The following ROBO2 variants were observed in gnomAD, a reference collection of about 807,000 sequenced individuals.
The protein encoded by ROBO2 is roundabout guidance receptor 2, also known as roundabout homolog 2.
Under a neutral mutation model 160.8 loss-of-function variants are expected in ROBO2, and 53 were observed. The observed-to-expected ratio is 0.33, with a 90% CI of 0.26 to 0.41. The LOEUF (loss-of-function observed/expected upper bound fraction) is 0.41. Among genes scored for constraint, ROBO2 ranks in the 10% least tolerant of loss-of-function variants. ROBO2 has a pLI of 1.00. For synonymous variants in ROBO2, 664 were observed against 611.7 expected (o/e 1.09, Z -1.26); for missense variants, 1,577 against 1,722.4 (o/e 0.92, Z 1.49).
intron 2 of ROBO2, among the ~76,000 whole-genome samples, chr3:77,031,525 A>G (rs1022465756): frequency 2.0e-5 from 3 of 146,468 alleles, no homozygotes; most frequent in African/African-American, 4.9e-5. Context: ...TCTACTATAT[A>G]ATATATTCAT....
intron 2 of ROBO2, among the ~76,000 whole-genome samples, chr3:76,218,746 A>G (rs1559653211): frequency 1.3e-5 from 2 of 152,264 alleles, no homozygotes; most frequent in Non-Finnish European, 1.5e-5. Flanking sequence ...GCCCAAGGTA[A>G]TTTATAGATT....
At chr3:77,065,652 A>G (rs2066761712) in intron 1 of ROBO2, among the ~76,000 whole-genome samples, 1 of 152,196 alleles carries the variant, frequency 6.6e-6, no homozygotes, top group Non-Finnish European at 1.5e-5. Flanking sequence ...AAATTTAAAC[A>G]TTTCTTAAAA....
chr3:76,011,845 G>A (rs543755681), intron 2 of ROBO2, among the ~76,000 whole-genome samples: 1 of 152,154 alleles, frequency 6.6e-6, no homozygotes, highest in East Asian at 1.9e-4. Flanking sequence ...GCAATCAAAT[G>A]TGTATATGTA....
At chr3:76,941,992 A>G (rs1204853480) in intron 2 of ROBO2, among the ~76,000 whole-genome samples, 5 of 152,228 alleles carry the variant, frequency 3.3e-5, no homozygotes, top group South Asian at 2.1e-4. Flanking sequence ...TTAAAATTAT[A>G]TAAAAGAAAC....
chr3:77,146,908 G>T (rs570014335), intron 2 of ROBO2, among the ~76,000 whole-genome samples: 131 of 152,114 alleles, frequency 8.6e-4, no homozygotes, highest in African/African-American at 3.0e-3. Flanking sequence ...CGGAGGTTGC[G>T]GTGAGCCAAA....
rs980213398 is a variant in ROBO2, at chr3:76,328,847, A to G, written c.109+391245A>G. ...GCACTCCAGCCTGGGCGACAGAGCG[A>G]GACTCCGTCTCAAAACAAACAAACA... On this transcript the variant is annotated intron_variant, in intron 2 of 26. Transcript: ENST00000487694. Among the ~76,000 whole-genome samples the G allele has an allele frequency of 2.0e-5, 3 of 151,182 alleles. 1 individual carries two copies. In the East Asian group the frequency reaches 5.9e-4, roughly 30 times the overall value.
chr3:76,030,526 G>C (rs1002662294), intron 2 of ROBO2, among the ~76,000 whole-genome samples: 2 of 152,002 alleles, frequency 1.3e-5, no homozygotes, highest in Admixed American at 1.3e-4. Context: ...TTTAATCCAT[G>C]TTGAATTAGT....
chr3:76,420,352 CT>C, intron 2 of ROBO2, among the ~76,000 whole-genome samples: 1 of 152,184 alleles, frequency 6.6e-6, no homozygotes, highest in East Asian at 1.9e-4. Flanking sequence ...ATCAGTTTTG[CT>C]TGTGTTGGTC....
chr3:77,115,919 T>A (rs1358518589), intron 2 of ROBO2, among the ~76,000 whole-genome samples: 1 of 152,144 alleles, frequency 6.6e-6, no homozygotes, highest in Non-Finnish European at 1.5e-5. Flanking sequence ...TCTAGCGACA[T>A]CATGACCCTG....
rs75512956 is a variant in ROBO2 at position 76,002,451 on chromosome 3, C to T, written c.109+64849C>T. 5.7e-3 allele frequency among the ~76,000 whole-genome samples: 861 copies of T among 152,122 alleles called. 10 individuals are homozygous for T. Among genetic ancestry groups the T allele is most frequent in the African/African-American group, 0.02 (824 of 41,472 alleles). ...CGTAACTCCCATGTGTTGTGGGATC[C>T]GGTGAGAGACTATTGAATCACGGGG... On this transcript the variant is annotated intron_variant, in intron 2 of 26. Transcript: ENST00000487694.
chr3:77,461,978 G>A (rs984627086), intron 2 of ROBO2, among the ~76,000 whole-genome samples: 1 of 152,026 alleles, frequency 6.6e-6, no homozygotes, highest in African/African-American at 2.4e-5. Context: ...CACCTGCCTC[G>A]GCCTCTCAAA....
intron 2 of ROBO2, among the ~76,000 whole-genome samples, chr3:77,243,693 T>C (rs144178449): frequency 6.6e-6 from 1 of 152,202 alleles, no homozygotes; most frequent in African/African-American, 2.4e-5. Context: ...ACTGTCAATT[T>C]AGTGAGCGCG....
At chr3:77,477,115 C>T (rs2084107630) in intron 2 of ROBO2, among the ~76,000 whole-genome samples, 1 of 151,988 alleles carries the variant, frequency 6.6e-6, no homozygotes, top group Non-Finnish European at 1.5e-5. Context: ...GGGTTCTGCA[C>T]CTTGCTTTTT....
intron 2 of ROBO2, among the ~76,000 whole-genome samples, chr3:76,877,269 G>T (rs545325111): frequency 6.6e-6 from 1 of 152,308 alleles, no homozygotes; most frequent in East Asian, 1.9e-4. Flanking sequence ...TCTGGTTCTA[G>T]TCAAAAGATG....
chr3:76,571,556 T>A (rs1412868897), intron 2 of ROBO2, among the ~76,000 whole-genome samples: 3 of 152,142 alleles, frequency 2.0e-5, no homozygotes, highest in African/African-American at 7.2e-5. Flanking sequence ...TAGAGTTTAT[T>A]AATTTAATAA....
chr3:76,430,823 A>G (rs912781994), intron 2 of ROBO2, among the ~76,000 whole-genome samples: 1 of 152,178 alleles, frequency 6.6e-6, no homozygotes, highest in Non-Finnish European at 1.5e-5. Flanking sequence ...CAGCTGGAAC[A>G]TTTTGCGTAT....
intron 2 of ROBO2, among the ~76,000 whole-genome samples, chr3:76,985,632 A>G (rs1356466293): frequency 2.0e-5 from 3 of 151,832 alleles, no homozygotes; most frequent in African/African-American, 4.8e-5. Flanking sequence ...TGCATAAAAA[A>G]ACGGAGCAGT....
chr3:77,123,046 A>G (rs1213329530), intron 2 of ROBO2, among the ~76,000 whole-genome samples: 1 of 152,182 alleles, frequency 6.6e-6, no homozygotes, highest in African/African-American at 2.4e-5. Flanking sequence ...CAGCAATAAA[A>G]GCAAAGACAA....
chr3:77,527,036 A>G (rs1234695909), intron 6 of ROBO2, among the ~76,000 whole-genome samples: 1 of 151,452 alleles, frequency 6.6e-6, no homozygotes, highest in East Asian at 1.9e-4. Context: ...TATTGACATG[A>G]CATTTGCTAG....
Sources: gnomAD v4.1 joint callset for allele counts (sites outside exome capture counted in the v4.1 genomes callset) on GRCh38, gnomAD v4.1.1 for gene constraint, MANE v1.5 for transcripts, NCBI Gene and HGNC (gene_info 2026-07-23, HGNC 2026-07-21) for gene names.